The following NLE1 variants were observed in gnomAD, a reference collection of about 807,000 sequenced individuals.
NLE1 encodes notchless protein homolog 1.
Under a neutral mutation model 62.8 loss-of-function variants are expected in NLE1, and 37 were observed. That is an observed-to-expected ratio of 0.59 (90% CI 0.45 to 0.78). The LOEUF is 0.78. Ranked by LOEUF, NLE1 falls within the 30% of genes least tolerant of loss-of-function variation. The pLI is 0.00. For missense variants in NLE1, 555 were observed against 637.9 expected (o/e 0.87, Z 1.40); for synonymous variants, 243 against 253.0 (o/e 0.96, Z 0.37).
intron 8 of NLE1, 30 bp from the exon 9 acceptor site, chr17:35,136,245 G>C (rs772785821): frequency 6.2e-7 from 1 of 1,613,898 alleles, no homozygotes; most frequent in South Asian, 1.1e-5. Context: ...GGGAGAAAAG[G>C]AGATGAGGAA....
chr17:35,133,514 A>C lies in NLE1; in HGVS notation c.1215-16T>G, dbSNP rs1034211576. 6.3e-7 allele frequency: 1 copy of C among 1,599,924 alleles called. No individual in the cohort carries two copies. The highest frequency in any genetic ancestry group is 1.3e-5 in the African/African-American group (1 of 74,716). ...AGCCAGGTACCTGGTCCAGGAGAAG[A>C]CGATGATGGATTTTAGTCTGAGTTA... On this transcript the variant is annotated splice_polypyrimidine_tract_variant and intron_variant, in intron 10 of 12. Transcript: ENST00000442241.
At chr17:35,135,498 A>G (rs1555572279) in intron 9 of NLE1, 47 bp from the exon 10 acceptor site, 15 of 1,582,356 alleles carry the variant, frequency 9.5e-6, no homozygotes, top group South Asian at 5.5e-5. Context: ...TCTCAGAAAG[A>G]AGGAGGAGGG....
chr17:35,133,262 G>A, intron 11 of NLE1, 21 bp from the exon 12 acceptor site: 1 of 1,614,140 alleles, frequency 6.2e-7, no homozygotes, highest in Non-Finnish European at 8.5e-7. Context: ...GCAGAGGAAG[G>A]CAGGTGGGGT....
Position 35,129,095 on chromosome 17 carries a change from A to C in NLE1, c.*3342T>G, listed in dbSNP as rs1459848978. The C allele has an allele frequency of 4.1e-6, 1 of 246,808 alleles. No individual in the cohort carries two copies. Among genetic ancestry groups the C allele is most frequent in the Non-Finnish European group, 8.0e-6 (1 of 125,512 alleles). The allele number at this position is 246,808 out of a possible 1,614,324, so 15.3% of individuals were successfully genotyped here. A position where few individuals can be genotyped will look rare whatever the true frequency, so the allele number is the denominator to read the frequency against. Reference sequence around the variant, plus strand: ...ATGAAGCTTCGCTTGCTCGCCCACCAATCTCCTCCTGCTGTGCTATCCAGT... The same window carrying C: ...ATGAAGCTTCGCTTGCTCGCCCACCCATCTCCTCCTGCTGTGCTATCCAGT... On this transcript the variant is annotated 3_prime_UTR_variant, in exon 13 of 13. Coordinates refer to ENST00000442241, the MANE Select transcript of NLE1 (RefSeq NM_018096.5).
intron 9 of NLE1, among the ~76,000 whole-genome samples, chr17:35,135,674 A>G (rs7406821): frequency 6.6e-6 from 1 of 152,242 alleles, no homozygotes; most frequent in Non-Finnish European, 1.5e-5. Flanking sequence ...GTAGAAAAAA[A>G]TTTTAAGATA....
At position 35,133,481 on chromosome 17, in the gene NLE1, C is replaced by T. The variant is rs773803714; in HGVS notation, c.1232G>A (p.Arg411His). Residue 411 changes from arginine to histidine, a missense_variant, in exon 11 of 13, where the codon CGC becomes CAC. Transcript: ENST00000442241. ...CTGGTACACGGCAGCCACGTGGCCG[C>T]GTAGGGAAGCCAGGTACCTGGTCCA... is the stretch of plus-strand genomic sequence containing the variant. ...GRTGKYLASLRGHVAAVYQIA... is the reference protein window; with the variant it reads ...GRTGKYLASLHGHVAAVYQIA... The T allele has an allele frequency of 2.0e-5, 32 of 1,612,466 alleles. No homozygotes were observed. Among genetic ancestry groups the T allele is most frequent in the Non-Finnish European group, 2.5e-5 (29 of 1,179,580 alleles).
At position 35,129,122 on chromosome 17, in the gene NLE1, C is replaced by A; in HGVS notation, c.*3315G>T. The A allele has an allele frequency of 3.1e-6, 1 of 318,264 alleles. No individual in the cohort carries two copies. Among genetic ancestry groups the A allele is most frequent in the Non-Finnish European group, 6.0e-6 (1 of 167,096 alleles). The allele number at this position is 318,264 out of a possible 1,614,324, so 19.7% of individuals were successfully genotyped here. A position where few individuals can be genotyped will look rare whatever the true frequency, so the allele number is the denominator to read the frequency against. ...TCTCCTCCTGCTGTGCTATCCAGTT[C>A]CTAACAGGCCATGGACTGCTATCAG... On this transcript the variant is annotated 3_prime_UTR_variant, in exon 13 of 13. Transcript: ENST00000442241.
chr17:35,140,933 T>C (rs2091939933), intron 2 of NLE1, among the ~76,000 whole-genome samples: 1 of 152,188 alleles, frequency 6.6e-6, no homozygotes, highest in South Asian at 2.1e-4. Flanking sequence ...GGGAAGTAGA[T>C]ACTAATATTC....
chr17:35,135,043 C>CA lies in NLE1; in HGVS notation c.1214+205dup, dbSNP rs376644811. On this transcript the variant is annotated intron_variant, in intron 10 of 12. Transcript: ENST00000442241. ...CTCGAGCCACTTGAACACCAGGTGA[C>CA]AGAGTGAAAGTCATCTCTAAAAACA... 877 of 664,110 alleles carry CA rather than the reference C, an allele frequency of 1.3e-3. 9 individuals are homozygous for CA. The African/African-American group carries it at 0.013, about 10-fold the overall frequency. The allele number at this position is 664,110 out of a possible 1,614,324, so 41.1% of individuals were successfully genotyped here. A position where few individuals can be genotyped will look rare whatever the true frequency, so the allele number is the denominator to read the frequency against.
intron 4 of NLE1, among the ~76,000 whole-genome samples, chr17:35,138,929 C>T (rs979789333): frequency 6.6e-6 from 1 of 151,992 alleles, no homozygotes; most frequent in African/African-American, 2.4e-5. Context: ...GCTGGCTGGG[C>T]TCAAGGACAT....
In NLE1 at chr17:35,129,260, C is replaced by T; in HGVS notation, c.*3177G>A. 1 of 866,034 alleles carries T rather than the reference C, an allele frequency of 1.2e-6. No homozygotes were observed. Among genetic ancestry groups the T allele is most frequent in the South Asian group, 1.6e-5 (1 of 61,118 alleles). 53.6% of individuals were successfully genotyped at this position (866,034 alleles called of 1,614,324 possible). A position where few individuals can be genotyped will look rare whatever the true frequency, so the allele number is the denominator to read the frequency against. ...TAGTACATGCTTCGGGGCAGGGGTT[C>T]CACACTCAGTGCTGCAGTACCTTGC... On this transcript the variant is annotated 3_prime_UTR_variant, in exon 13 of 13. Coordinates refer to ENST00000442241, the MANE Select transcript of NLE1 (RefSeq NM_018096.5).
At position 35,139,918 on chromosome 17, in the gene NLE1, G is replaced by A; in HGVS notation, c.311C>T (p.Thr104Ile). Reference protein sequence around the residue: ...PQAIFRVRAVTRCTSSLEGHS... With the variant: ...PQAIFRVRAVIRCTSSLEGHS... ...ACCCTCCAAGGAGCTGGTGCAGCGA[G>A]TCACAGCCCGGACTCTGAAGATAGC... The change falls in exon 3 of 13, where the codon ACT (threonine) becomes ATT (isoleucine). Residue 104 changes from threonine (T) to isoleucine (I), a missense_variant. Transcript: ENST00000442241. 6.2e-7 allele frequency: 1 copy of A among 1,614,144 alleles called. No homozygotes were observed. Among genetic ancestry groups the A allele is most frequent in the African/African-American group, 1.3e-5 (1 of 75,064 alleles).
intron 9 of NLE1, among the ~76,000 whole-genome samples, chr17:35,135,695 G>A (rs2091904233): frequency 6.6e-6 from 1 of 152,114 alleles, no homozygotes; most frequent in African/African-American, 2.4e-5. Context: ...CATAATTACA[G>A]AAAAAGGCAC....
chr17:35,137,484 G>C, intron 6 of NLE1, 59 bp downstream of exon 6: 1 of 1,399,414 alleles, frequency 7.1e-7, no homozygotes, highest in East Asian at 2.3e-5. Context: ...ATTGGGCAGG[G>C]AAAGGGGATG....
In NLE1 at chr17:35,133,162, C is replaced by A; in HGVS notation, c.1445+9G>T. ...TGTGTATGCCAACCACCACTTCCCCCACACTCACATCCGGAGGCATTTGTC... is the reference window on the plus strand; with the variant it reads ...TGTGTATGCCAACCACCACTTCCCCAACACTCACATCCGGAGGCATTTGTC... On this transcript the variant is annotated intron_variant, in intron 12 of 12. Transcript: ENST00000442241. 6.2e-7 allele frequency: 1 copy of A among 1,613,890 alleles called. No homozygotes were observed. The highest frequency in any genetic ancestry group is 8.5e-7 in the Non-Finnish European group (1 of 1,179,720).
Position 35,129,688 on chromosome 17 carries a change from G to C in NLE1, c.*2749C>G. 6.2e-7 allele frequency: 1 copy of C among 1,605,398 alleles called. No individual in the cohort carries two copies. Among genetic ancestry groups the C allele is most frequent in the Non-Finnish European group, 8.5e-7 (1 of 1,176,358 alleles). ...GCCCTGGGAAAAGAGGGGCCTTGGG[G>C]GTGGAGAGAAGTCCAAAGCCAGGGA... On this transcript the variant is annotated 3_prime_UTR_variant, in exon 13 of 13. Transcript: ENST00000442241.
At position 35,139,716 on chromosome 17, in the gene NLE1, G is replaced by A. The variant is rs76347957; in HGVS notation, c.380+133C>T. 3,422 of 1,290,634 alleles carry A rather than the reference G, an allele frequency of 2.7e-3. 69 individuals are homozygous for A. The African/African-American group carries it at 0.045, about 17-fold the overall frequency. 79.9% of individuals were successfully genotyped at this position (1,290,634 alleles called of 1,614,324 possible). ...TACTGAGGAAGTCCCTTAATTGCAA[G>A]CTGAGTCCAGAGCTTGGGTCTATGG... is the stretch of plus-strand genomic sequence containing the variant. On this transcript the variant is annotated intron_variant, in intron 3 of 12. Coordinates refer to ENST00000442241, the MANE Select transcript of NLE1 (RefSeq NM_018096.5).
rs575962657 is a variant in NLE1 at position 35,131,397 on chromosome 17, T to C, written c.*1040A>G. On this transcript the variant is annotated 3_prime_UTR_variant, in exon 13 of 13. Coordinates refer to ENST00000442241, the MANE Select transcript of NLE1 (RefSeq NM_018096.5). The stretch of plus-strand genomic sequence containing the variant: ...GGATGGTTTGGAAATCCAATCTGAG[T>C]AGTTCAGACCATGACCCTGCTTAGC... 6.6e-6 allele frequency: 1 copy of C among 152,318 alleles called. No individual in the cohort carries two copies. The highest frequency in any genetic ancestry group is 1.9e-4 in the East Asian group (1 of 5,178). 9.4% of individuals were successfully genotyped at this position (152,318 alleles called of 1,614,324 possible). A position where few individuals can be genotyped will look rare whatever the true frequency, so the allele number is the denominator to read the frequency against.
intron 7 of NLE1, 137 bp from the exon 8 acceptor site, chr17:35,136,634 G>T: frequency 9.0e-7 from 1 of 1,105,592 alleles, no homozygotes; most frequent in African/African-American, 1.6e-5. Flanking sequence ...CCCCTCTGGG[G>T]TCAAGTCTCT....
Sources: allele counts gnomAD v4.1 joint callset (sites outside exome capture counted in the v4.1 genomes callset), GRCh38; gene constraint gnomAD v4.1.1; transcripts MANE v1.5; gene names NCBI Gene and HGNC (gene_info 2026-07-23, HGNC 2026-07-21).